RASSF3: variants seen among roughly 807,000 people sequenced by gnomAD.
RASSF3 encodes the protein ras association domain-containing protein 3.
RASSF3 carries 19 observed loss-of-function variants against 19.9 expected under a neutral mutation model. The observed-to-expected ratio is 0.96, with a 90% CI of 0.67 to 1.40. The LOEUF is 1.40. Among genes scored for constraint, RASSF3 ranks in the 40% most tolerant of loss-of-function variants. The pLI is 0.00. For synonymous variants in RASSF3, 110 were observed against 104.2 expected, an observed-to-expected ratio of 1.06 and a Z score of -0.34; for missense variants, 306 against 289.8, an observed-to-expected ratio of 1.06 and a Z score of -0.41.
At chr12:64,679,406 T>G (rs781483945) in intron 1 of RASSF3, among the ~76,000 whole-genome samples, 1 of 152,254 alleles carries the variant, frequency 6.6e-6, no homozygotes, top group Admixed American at 6.5e-5. Flanking sequence ...CATTTTGTTA[T>G]GTTTTTATGT....
At chr12:64,642,768 G>A (rs1305543172) in intron 1 of RASSF3, among the ~76,000 whole-genome samples, 1 of 151,566 alleles carries the variant, frequency 6.6e-6, no homozygotes, top group Non-Finnish European at 1.5e-5. Flanking sequence ...GTAGAGTGCA[G>A]TGGTTTAAAA....
At chr12:64,634,645 C>T (rs895741174) in intron 1 of RASSF3, among the ~76,000 whole-genome samples, 1 of 151,684 alleles carries the variant, frequency 6.6e-6, no homozygotes, top group Admixed American at 6.6e-5. Context: ...CCTGTATTCT[C>T]GGCTACTCCG....
chr12:64,648,820 T>C (rs2136188926), intron 1 of RASSF3, among the ~76,000 whole-genome samples: 1 of 149,754 alleles, frequency 6.7e-6, no homozygotes, highest in Non-Finnish European at 1.5e-5. Flanking sequence ...TTTTTTTTTT[T>C]TTAGAGATAG....
chr12:64,566,257 C>T (rs1334390099), intron 2 of RASSF3, among the ~76,000 whole-genome samples: 1 of 152,214 alleles, frequency 6.6e-6, no homozygotes. Flanking sequence ...AGAAGGTTTT[C>T]TAAGAATGCT....
At chr12:64,518,779 C>T (rs1387321011) in intron 1 of RASSF3, among the ~76,000 whole-genome samples, 2 of 152,144 alleles carry the variant, frequency 1.3e-5, no homozygotes, top group African/African-American at 2.4e-5. Flanking sequence ...CAGACTTATT[C>T]GAATGTAATT....
At chr12:64,550,324 G>GGAGGA (rs1158684540) in intron 2 of RASSF3, among the ~76,000 whole-genome samples, 1 of 151,944 alleles carries the variant, frequency 6.6e-6, no homozygotes, top group Non-Finnish European at 1.5e-5. Flanking sequence ...AGAGGGGAGA[G>GGAGGA]GAGGAGAGGA....
downstream of RASSF3, among the ~76,000 whole-genome samples, chr12:64,544,507 C>A (rs949174143): frequency 1.3e-5 from 2 of 152,028 alleles, no homozygotes; most frequent in African/African-American, 4.8e-5. Flanking sequence ...GTCCCAACTA[C>A]CTGGGAGGCT....
intron 2 of RASSF3, among the ~76,000 whole-genome samples, chr12:64,579,642 C>T (rs557515659): frequency 6.6e-5 from 10 of 152,052 alleles, no homozygotes; most frequent in Non-Finnish European, 7.4e-5. Context: ...TGAGCCACCG[C>T]GCCCGGCCAG....
At chr12:64,590,490 T>G (rs1056272218) in intron 2 of RASSF3, among the ~76,000 whole-genome samples, 2 of 152,124 alleles carry the variant, frequency 1.3e-5, no homozygotes, top group African/African-American at 4.8e-5. Context: ...GGGAGAGAGA[T>G]GAACACATAT....
At chr12:64,588,788 T>C (rs1008582402) in intron 2 of RASSF3, among the ~76,000 whole-genome samples, 36 of 152,182 alleles carry the variant, frequency 2.4e-4, no homozygotes, top group Middle Eastern at 3.2e-3. Context: ...TAATGAGCAT[T>C]TCTCCGTGGT....
chr12:64,676,334 A>AT (rs1441693908), intron 1 of RASSF3, among the ~76,000 whole-genome samples: 6 of 151,072 alleles, frequency 4.0e-5, no homozygotes, highest in African/African-American at 1.5e-4. Flanking sequence ...CACTGGGCTA[A>AT]TTTTTTGTAT....
At chr12:64,692,570 G>A (rs1329314766) in intron 4 of RASSF3, among the ~76,000 whole-genome samples, 4 of 152,128 alleles carry the variant, frequency 2.6e-5, no homozygotes, top group African/African-American at 9.7e-5. Flanking sequence ...TTGGGGAGAA[G>A]GCAGGGTGCA....
intron 1 of RASSF3, among the ~76,000 whole-genome samples, chr12:64,649,786 T>G (rs983578786): frequency 1.3e-4 from 20 of 152,230 alleles, no homozygotes; most frequent in African/African-American, 4.6e-4. Context: ...TCAGAAAAGC[T>G]CTTTGGTGAA....
intron 2 of RASSF3, among the ~76,000 whole-genome samples, chr12:64,585,649 G>T (rs1227062667): frequency 6.8e-6 from 1 of 147,974 alleles, no homozygotes; most frequent in Non-Finnish European, 1.5e-5. Context: ...CTGTCACCCA[G>T]GCTGCAGTGC....
chr12:64,649,393 C>T (rs530201097), intron 1 of RASSF3, among the ~76,000 whole-genome samples: 54 of 152,090 alleles, frequency 3.6e-4, no homozygotes, highest in Admixed American at 3.2e-3. Context: ...AGGGTTTCAC[C>T]GTGTTAGCCA....
chr12:64,532,362 G>C (rs112898919), upstream of RASSF3, among the ~76,000 whole-genome samples: 3,773 of 152,194 alleles, frequency 0.025, 149 homozygotes, highest in African/African-American at 0.085. Flanking sequence ...GAGTTTCCTA[G>C]TATTCTTGGA....
intron 1 of RASSF3, chr12:64,622,589 GC>G (rs1298302643): frequency 6.2e-6 from 3 of 481,030 alleles, no homozygotes; most frequent in Non-Finnish European, 1.2e-5. Context: ...AATTACTTTT[GC>G]ACCAACTTAA....
intron 2 of RASSF3, among the ~76,000 whole-genome samples, chr12:64,602,325 A>T (rs1246539550): frequency 6.6e-6 from 1 of 150,928 alleles, no homozygotes; most frequent in Non-Finnish European, 1.5e-5. Flanking sequence ...TCACGCCTGT[A>T]ATCCCAGCAC....
At chr12:64,662,466 T>C (rs1872403202) in intron 1 of RASSF3, among the ~76,000 whole-genome samples, 1 of 150,082 alleles carries the variant, frequency 6.7e-6, no homozygotes, top group Admixed American at 6.7e-5. Flanking sequence ...ATCTGTTAGA[T>C]TAGTGGTCAG....
Sources: allele counts gnomAD v4.1 joint callset (sites outside exome capture counted in the v4.1 genomes callset), GRCh38; gene constraint gnomAD v4.1.1; transcripts MANE v1.5; gene names NCBI Gene and HGNC (gene_info 2026-07-23, HGNC 2026-07-21).